The following GPC5 variants were observed in gnomAD, a reference collection of about 807,000 sequenced individuals.
GPC5 encodes the protein glypican-5.
A neutral mutation model predicts 53.9 loss-of-function variants in GPC5; 47 were observed. The observed-to-expected ratio is 0.87, with a 90% CI of 0.69 to 1.11. The LOEUF (loss-of-function observed/expected upper bound fraction) is 1.11, where lower values mean the gene tolerates loss of function less well. GPC5 is among the 50% of genes most tolerant of loss of function. The probability of loss-of-function intolerance (pLI) is 0.00; values close to 1 mark genes in which losing one functional copy is unlikely to be tolerated. For synonymous variants in GPC5, 286 were observed against 263.3 expected, an observed-to-expected ratio of 1.09 and a Z score of -0.84; for missense variants, 748 against 713.1, an observed-to-expected ratio of 1.05 and a Z score of -0.56.
intron 7 of GPC5, among the ~76,000 whole-genome samples, chr13:92,584,982 G>A (rs779473289): frequency 4.9e-4 from 74 of 152,172 alleles, no homozygotes; most frequent in African/African-American, 1.6e-3. Context: ...GTATAAAAAC[G>A]CCTGGATGCC....
chr13:92,432,540 A>ATT (rs35182646), intron 7 of GPC5, among the ~76,000 whole-genome samples: 14 of 133,774 alleles, frequency 1.0e-4, no homozygotes, highest in Admixed American at 3.0e-4. Flanking sequence ...ACGCCCGGCT[A>ATT]TTTTTTTTTT....
At chr13:92,080,662 A>C (rs1233001134) in intron 6 of GPC5, among the ~76,000 whole-genome samples, 3 of 152,118 alleles carry the variant, frequency 2.0e-5, no homozygotes, top group African/African-American at 7.2e-5. Flanking sequence ...CTATACTTAC[A>C]CAAGTTCTAT....
rs531481058 is a variant in GPC5 at position 91,935,743 on chromosome 13, A to G, written c.1401+27686A>G. On this transcript the variant is annotated intron_variant, in intron 6 of 7. Coordinates refer to ENST00000377067, the MANE Select transcript of GPC5 (RefSeq NM_004466.6). ...GGGAGGAGCATTCGTTTACCTTTAG[A>G]TGTTAAATTTGAAATGTTTTTGAGA... Among the ~76,000 whole-genome samples the G allele has an allele frequency of 1.4e-4, 21 of 152,108 alleles. No individual in the cohort carries two copies. The South Asian group carries it at 3.3e-3, about 24-fold the overall frequency.
chr13:92,694,229 T>C (rs2139238602), intron 7 of GPC5, among the ~76,000 whole-genome samples: 1 of 152,224 alleles, frequency 6.6e-6, no homozygotes, highest in Middle Eastern at 3.4e-3. Flanking sequence ...ACTAGGGCAA[T>C]GAAGAGGAAA....
chr13:91,888,355 TG>T (rs1251869560), intron 5 of GPC5, among the ~76,000 whole-genome samples: 1 of 152,166 alleles, frequency 6.6e-6, no homozygotes, highest in Non-Finnish European at 1.5e-5. Context: ...AGACGAAATT[TG>T]GGTGGGGACA....
chr13:92,187,653 G>A (rs1407791013), intron 7 of GPC5, among the ~76,000 whole-genome samples: 5 of 152,194 alleles, frequency 3.3e-5, no homozygotes, highest in Admixed American at 2.0e-4. Flanking sequence ...CTAGAAAGAA[G>A]CTGGGCTTTA....
Position 91,693,175 on chromosome 13 carries a change from C to T in GPC5, c.326-12C>T. The T allele has an allele frequency of 6.3e-7, 1 of 1,595,736 alleles. No individual in the cohort carries two copies. Among genetic ancestry groups the T allele is most frequent in the South Asian group, 1.1e-5 (1 of 89,994 alleles). ...TAAACCTTCTCATGTTTTACCTCTG[C>T]TTGTGTTACAGAAACCCTTGAAACT... On this transcript the variant is annotated splice_polypyrimidine_tract_variant and intron_variant, in intron 2 of 7. Coordinates refer to ENST00000377067, the MANE Select transcript of GPC5 (RefSeq NM_004466.6).
intron 3 of GPC5, among the ~76,000 whole-genome samples, chr13:91,724,214 G>A (rs887191536): frequency 6.6e-6 from 1 of 152,130 alleles, no homozygotes; most frequent in African/African-American, 2.4e-5. Context: ...CAGCACATGT[G>A]TCCACAAACT....
intron 5 of GPC5, among the ~76,000 whole-genome samples, chr13:91,903,496 C>T (rs1354485220): frequency 6.6e-6 from 1 of 152,034 alleles, no homozygotes; most frequent in East Asian, 1.9e-4. Context: ...TCCAGTTGCT[C>T]CACATCTTTG....
At chr13:92,309,834 T>A (rs1399390862) in intron 7 of GPC5, among the ~76,000 whole-genome samples, 1 of 152,084 alleles carries the variant, frequency 6.6e-6, no homozygotes, top group Non-Finnish European at 1.5e-5. Flanking sequence ...GTACAACAGA[T>A]CTCCAGAGTG....
At position 92,260,105 on chromosome 13, in the gene GPC5, C is replaced by T. The variant is rs141034105; in HGVS notation, c.1561+115116C>T. On this transcript the variant is annotated intron_variant, in intron 7 of 7. Transcript: ENST00000377067. ...CTCTACTCACTAATGCTGGGATTCA[C>T]GTTCAGTTCTTTGGAACATCCAATT... is the stretch of plus-strand genomic sequence containing the variant. 1.2e-3 allele frequency among the ~76,000 whole-genome samples: 179 copies of T among 152,260 alleles called. 1 individual carries two copies. The highest frequency in any genetic ancestry group is 4.2e-3 in the African/African-American group (173 of 41,550).
intron 4 of GPC5, among the ~76,000 whole-genome samples, chr13:91,748,257 A>G (rs974938206): frequency 1.3e-5 from 2 of 152,236 alleles, no homozygotes; most frequent in South Asian, 4.1e-4. Flanking sequence ...TTTTAACATT[A>G]CATATAAATA....
chr13:92,777,269 G>A (rs1372797341), intron 7 of GPC5, among the ~76,000 whole-genome samples: 1 of 150,604 alleles, frequency 6.6e-6, no homozygotes, highest in Admixed American at 6.7e-5. Context: ...CCAGGAGGTA[G>A]AGGTTGCAGT....
rs2031338374 is a variant in GPC5 at position 91,562,665 on chromosome 13, C to T, written c.325+113743C>T. Among the ~76,000 whole-genome samples, 4 of 149,124 alleles carry T rather than the reference C, an allele frequency of 2.7e-5. No homozygotes were observed. The South Asian group carries it at 8.5e-4, about 32-fold the overall frequency. ...GTATTTTTAGTAGAGATGGATCCAC[C>T]TGCTGTGGCCTCCAAAGTGCTGGGA... On this transcript the variant is annotated intron_variant, in intron 2 of 7. Coordinates refer to ENST00000377067, the MANE Select transcript of GPC5 (RefSeq NM_004466.6).
chr13:91,681,316 C>A (rs116707914), intron 2 of GPC5, among the ~76,000 whole-genome samples: 1 of 152,134 alleles, frequency 6.6e-6, no homozygotes, highest in Non-Finnish European at 1.5e-5. Context: ...TAAGAGAATG[C>A]GTCACCAGCT....
At chr13:92,280,840 T>C (rs2042909537) in intron 7 of GPC5, among the ~76,000 whole-genome samples, 1 of 152,068 alleles carries the variant, frequency 6.6e-6, no homozygotes, top group South Asian at 2.1e-4. Flanking sequence ...AGACGGGTAA[T>C]TTCTGCATTT....
intron 7 of GPC5, among the ~76,000 whole-genome samples, chr13:92,667,773 TATATC>T (rs1355099453): frequency 2.0e-5 from 3 of 152,162 alleles, no homozygotes; most frequent in Non-Finnish European, 2.9e-5. Context: ...TTTTAAAAAT[TATATC>T]ATAATTCATG....
chr13:92,813,157 T>C (rs1343975004), intron 7 of GPC5, among the ~76,000 whole-genome samples: 7 of 151,944 alleles, frequency 4.6e-5, no homozygotes, highest in African/African-American at 1.7e-4. Context: ...CTTGGAGTTC[T>C]GTAATTCTGG....
intron 3 of GPC5, among the ~76,000 whole-genome samples, chr13:91,717,984 T>G (rs373990534): frequency 2.8e-4 from 43 of 152,360 alleles, no homozygotes; most frequent in African/African-American, 1.0e-3. Flanking sequence ...TAGTTATTAT[T>G]TTTAAAAAAT....
Sources: gnomAD v4.1 joint callset for allele counts (sites outside exome capture counted in the v4.1 genomes callset) on GRCh38, gnomAD v4.1.1 for gene constraint, MANE v1.5 for transcripts, NCBI Gene and HGNC (gene_info 2026-07-23, HGNC 2026-07-21) for gene names.